Variants in DNAH10 observed in about 807,000 individuals in gnomAD.
The protein encoded by DNAH10 is dynein axonemal heavy chain 10, also known as axonemal beta dynein heavy chain 10.
Under a neutral mutation model 506.6 loss-of-function variants are expected in DNAH10, and 348 were observed. The observed-to-expected ratio is 0.69, with a 90% CI of 0.63 to 0.75. The LOEUF (loss-of-function observed/expected upper bound fraction) is 0.75, where lower values mean the gene tolerates loss of function less well. DNAH10 is among the 30% of genes least tolerant of loss of function. DNAH10 has a pLI of 0.00. For synonymous variants in DNAH10, 2,059 were observed against 2,198.6 expected (o/e 0.94, Z 1.78); for missense variants, 5,179 against 5,787.1 (o/e 0.89, Z 3.41).
chr12:123,767,305 G>A (rs1957085068), intron 1 of DNAH10, among the ~76,000 whole-genome samples: 1 of 152,190 alleles, frequency 6.6e-6, no homozygotes, highest in South Asian at 2.1e-4. Context: ...TACGTTCATA[G>A]TGTTGTGCAC....
At chr12:123,836,891 C>T (rs1038292840) in intron 28 of DNAH10, among the ~76,000 whole-genome samples, 18 of 150,996 alleles carry the variant, frequency 1.2e-4, no homozygotes, top group East Asian at 4.0e-4. Context: ...CTCGCTCTGT[C>T]GCCCAGGCTG....
Position 123,767,691 on chromosome 12 carries a change from T to C in DNAH10, c.298+2T>C, listed in dbSNP as rs1309391864. On this transcript the variant is annotated splice_donor_variant, in intron 2 of 78. Transcript: ENST00000673944. LOFTEE classifies it high-confidence loss of function. ...TGGAGTCCGTGGATAAAGTGCGAGG[T>C]GTGGAGTTGGGAGGGGTCATGGGAG... 2 of 1,609,586 alleles carry C rather than the reference T, an allele frequency of 1.2e-6. No individual in the cohort carries two copies. Among genetic ancestry groups the C allele is most frequent in the Non-Finnish European group, 1.7e-6 (2 of 1,178,060 alleles).
chr12:123,929,638 A>G, intron 71 of DNAH10, 26 bp from the exon 72 acceptor site: 1 of 1,604,476 alleles, frequency 6.2e-7, no homozygotes, highest in Non-Finnish European at 8.5e-7. Context: ...GTTTCAGTAT[A>G]ACTGAGCGTG....
At chr12:123,796,002 G>C (rs1382473345) in intron 12 of DNAH10, among the ~76,000 whole-genome samples, 1 of 151,888 alleles carries the variant, frequency 6.6e-6, no homozygotes, top group African/African-American at 2.4e-5. Context: ...TACTTTACCT[G>C]CAAAAACTAA....
rs748406734 is a variant in DNAH10, at chr12:123,931,679, A to C, written c.12960A>C (p.Gln4320His). 9 of 1,613,918 alleles carry C rather than the reference A, an allele frequency of 5.6e-6. No homozygotes were observed. In the South Asian group the frequency reaches 9.9e-5, roughly 18 times the overall value. The change falls in exon 75 of 79, where the codon CAA (glutamine) becomes CAC (histidine). Residue 4320 changes from glutamine to histidine, a missense_variant. Physicochemically the swap from Gln to His is conservative, Grantham distance 24. Coordinates refer to ENST00000673944, the MANE Select transcript of DNAH10 (RefSeq NM_001372106.1). The part of the protein sequence containing the change: ...SGISRDDYIG[Q>H]VAKEIENKMP... Reference sequence around the variant, plus strand: ...TCAGCCGCGATGATTATATTGGCCAAGTGGCCAAAGAAATAGAAAACAAGA... The same window carrying C: ...TCAGCCGCGATGATTATATTGGCCACGTGGCCAAAGAAATAGAAAACAAGA...
chr12:123,908,181 G>A lies in DNAH10; in HGVS notation c.9816-1080G>A, dbSNP rs1009058096. 1.1e-5 allele frequency: 4 copies of A among 351,590 alleles called. No individual in the cohort carries two copies. The Admixed American group carries it at 1.4e-4, about 12-fold the overall frequency. 21.8% of individuals were successfully genotyped at this position (351,590 alleles called of 1,614,324 possible). A position where few individuals can be genotyped will look rare whatever the true frequency, so the allele number is the denominator to read the frequency against. On this transcript the variant is annotated intron_variant, in intron 57 of 78. Coordinates refer to ENST00000673944, the MANE Select transcript of DNAH10 (RefSeq NM_001372106.1). ...CTCCCTGTCTCCTCCCTGTCTCTCT[G>A]TCTCCTCCCTGTCTCTCTGTCCCCT... is the stretch of plus-strand genomic sequence containing the variant.
At chr12:123,906,853 A>G (rs1594341605) in intron 57 of DNAH10, among the ~76,000 whole-genome samples, 1 of 152,212 alleles carries the variant, frequency 6.6e-6, no homozygotes, top group Non-Finnish European at 1.5e-5. Context: ...ATCATACTCA[A>G]TCCTCTTTGT....
At chr12:123,771,554 A>G (rs771637250) in intron 2 of DNAH10, 47 bp from the exon 3 acceptor site, 80 of 1,537,894 alleles carry the variant, frequency 5.2e-5, no homozygotes, top group Non-Finnish European at 6.9e-5. Flanking sequence ...ATGGTAGGAA[A>G]CCTAATTTTC....
intron 43 of DNAH10, among the ~76,000 whole-genome samples, chr12:123,868,905 T>G (rs1299749483): frequency 6.6e-6 from 1 of 152,244 alleles, no homozygotes; most frequent in Non-Finnish European, 1.5e-5. Context: ...AATCTCCCTT[T>G]GGGGAGTGCT....
At chr12:123,788,041 G>A in intron 10 of DNAH10, 39 bp downstream of exon 10, 7 of 1,550,710 alleles carry the variant, frequency 4.5e-6, no homozygotes, top group East Asian at 2.4e-5. Flanking sequence ...TTGCCCCGAA[G>A]AAGGCAGTTG....
chr12:123,924,854 G>A (rs1406422612), intron 67 of DNAH10, among the ~76,000 whole-genome samples, 196 bp from the exon 68 acceptor site: 2 of 152,342 alleles, frequency 1.3e-5, no homozygotes, highest in East Asian at 3.8e-4. Flanking sequence ...GGGACTCAGT[G>A]AATAAGACTC....
At position 123,931,808 on chromosome 12, in the gene DNAH10, TGTG is replaced by T; in HGVS notation, c.13092_13094del (p.Val4365del). On this transcript the variant is annotated inframe_deletion, in exon 75 of 79. Coordinates refer to ENST00000673944, the MANE Select transcript of DNAH10 (RefSeq NM_001372106.1). Reference sequence around the variant, plus strand: ...AGGAACTGGAACGCTTCAACAAGCTTGTGGTCCGGATGACGAAGTCTCTGGCTG... The same window carrying T: ...AGGAACTGGAACGCTTCAACAAGCTTGTCCGGATGACGAAGTCTCTGGCTG... 6.2e-7 allele frequency: 1 copy of T among 1,614,046 alleles called. No individual in the cohort carries two copies. Among genetic ancestry groups the T allele is most frequent in the Non-Finnish European group, 8.5e-7 (1 of 1,179,894 alleles).
At chr12:123,804,591 C>G (rs1256669707) in intron 17 of DNAH10, among the ~76,000 whole-genome samples, 1 of 151,494 alleles carries the variant, frequency 6.6e-6, no homozygotes, top group African/African-American at 2.4e-5. Flanking sequence ...CAAGATATGT[C>G]AACAATGAAT....
In DNAH10 at chr12:123,914,395, C is replaced by T. The variant is rs761203357; in HGVS notation, c.10419C>T (p.Cys3473=). ...RVKLLGDCLL[C]AAFLSYEGAF... ...AGCTGCTGGGGGACTGCCTGCTCTGCGCGGCTTTCCTCAGCTACGAGGGAG... is the reference window on the plus strand; with the variant it reads ...AGCTGCTGGGGGACTGCCTGCTCTGTGCGGCTTTCCTCAGCTACGAGGGAG... Residue 3473 remains cysteine, a synonymous_variant, in exon 61 of 79, where the codon TGC becomes TGT. Transcript: ENST00000673944. 86 of 1,613,482 alleles carry T rather than the reference C, an allele frequency of 5.3e-5. No individual in the cohort carries two copies. The highest frequency in any genetic ancestry group is 6.4e-5 in the Non-Finnish European group (76 of 1,179,894).
chr12:123,907,523 A>C lies in DNAH10; in HGVS notation c.9816-1738A>C, dbSNP rs1392830528. 6.6e-6 allele frequency among the ~76,000 whole-genome samples: 1 copy of C among 152,212 alleles called. No individual in the cohort carries two copies. Among genetic ancestry groups the C allele is most frequent in the Non-Finnish European group, 1.5e-5 (1 of 68,042 alleles). ...GTATGTTCTGGATAAGTGAGATCCC[A>C]GAGCGTGGCCTGCAACCCAACAGCA... On this transcript the variant is annotated intron_variant, in intron 57 of 78. Transcript: ENST00000673944. This position sits in a 1 kb window ranked among gnomAD's most constrained non-coding sequence, Gnocchi z 4.4.
At chr12:123,793,632 C>T (rs1198210495) in intron 11 of DNAH10, among the ~76,000 whole-genome samples, 1 of 152,226 alleles carries the variant, frequency 6.6e-6, no homozygotes, top group Non-Finnish European at 1.5e-5. Context: ...GGCACTGCGC[C>T]TGGCCCTGCC....
At chr12:123,842,481 C>G (rs773644534) in intron 30 of DNAH10, among the ~76,000 whole-genome samples, 1 of 152,198 alleles carries the variant, frequency 6.6e-6, no homozygotes, top group Non-Finnish European at 1.5e-5. Flanking sequence ...GCAGGGCCTT[C>G]GTGCAGACAT....
chr12:123,872,277 G>A (rs1489904686), intron 45 of DNAH10, among the ~76,000 whole-genome samples: 4 of 152,162 alleles, frequency 2.6e-5, no homozygotes. Context: ...TAGTGAACAA[G>A]CTGTCAAGAT....
chr12:123,813,912 T>C lies in DNAH10; in HGVS notation c.3780T>C (p.Phe1260=). ...GTACCATGGCAATGTATAACCTCTTTGTAAGTCAACTTGTATTTTCTTATT... is the reference window on the plus strand; with the variant it reads ...GTACCATGGCAATGTATAACCTCTTCGTAAGTCAACTTGTATTTTCTTATT... ...RYRTMAMYNL[F]PPDAEKELVD... is the part of the protein sequence containing the mutation. Residue 1260 remains phenylalanine, a splice_region_variant and synonymous_variant, in exon 21 of 79, where the codon TTT becomes TTC. Coordinates refer to ENST00000673944, the MANE Select transcript of DNAH10 (RefSeq NM_001372106.1). 6.4e-7 allele frequency: 1 copy of C among 1,572,712 alleles called. No homozygotes were observed. Among genetic ancestry groups the C allele is most frequent in the Non-Finnish European group, 8.6e-7 (1 of 1,166,920 alleles).
Sources: allele counts gnomAD v4.1 joint callset (sites outside exome capture counted in the v4.1 genomes callset), GRCh38; gene constraint gnomAD v4.1.1; non-coding constraint Gnocchi (gnomAD v3.1); transcripts MANE v1.5; gene names NCBI Gene and HGNC (gene_info 2026-07-23, HGNC 2026-07-21).